GALNT2: variants seen among roughly 807,000 people sequenced by gnomAD.
GALNT2 encodes UDP-GalNAc:polypeptide N-acetylgalactosaminyltransferase 2.
Under a neutral mutation model 81.4 loss-of-function variants are expected in GALNT2, and 31 were observed. That is an observed-to-expected ratio of 0.38 (90% CI 0.29 to 0.51). The LOEUF (loss-of-function observed/expected upper bound fraction) is 0.51. Among genes scored for constraint, GALNT2 ranks in the 20% least tolerant of loss-of-function variants. The pLI is 0.87. For synonymous variants in GALNT2, 303 were observed against 287.4 expected (o/e 1.05, Z -0.55); for missense variants, 629 against 765.7 (o/e 0.82, Z 2.11).
At chr1:230,194,120 T>C (rs1225212657) in intron 2 of GALNT2, among the ~76,000 whole-genome samples, 1 of 152,252 alleles carries the variant, frequency 6.6e-6, no homozygotes, top group Non-Finnish European at 1.5e-5. Flanking sequence ...GAAGAAATTC[T>C]GTACCCAAGG....
At chr1:230,187,930 ATGGGT>A (rs1180950903) in intron 2 of GALNT2, among the ~76,000 whole-genome samples, 20 of 127,354 alleles carry the variant, frequency 1.6e-4, no homozygotes, top group African/African-American at 4.4e-4. Flanking sequence ...TGGGGTTTTT[ATGGGT>A]ACAAGATGGA....
Position 230,267,943 on chromosome 1 carries a change from C to T in GALNT2, c.1440+2576C>T, listed in dbSNP as rs539571567. ...CGCCGTGCGGTGCTGCTGTGGGTCC[C>T]GCTGTGGTCCAGGTGTGACTGGAGG... On this transcript the variant is annotated intron_variant, in intron 14 of 15. Transcript: ENST00000366672. 3.9e-5 allele frequency among the ~76,000 whole-genome samples: 6 copies of T among 152,316 alleles called. 1 individual carries two copies. Among genetic ancestry groups the T allele is most frequent in the South Asian group, 4.1e-4 (2 of 4,826 alleles).
chr1:230,209,644 C>A (rs189659155), intron 3 of GALNT2, among the ~76,000 whole-genome samples: 1 of 152,148 alleles, frequency 6.6e-6, no homozygotes, highest in African/African-American at 2.4e-5. Context: ...GAGTTTGAGA[C>A]CAGCCTGGGC....
chr1:230,273,941 G>A (rs1387077992), intron 14 of GALNT2, among the ~76,000 whole-genome samples: 3 of 152,150 alleles, frequency 2.0e-5, no homozygotes, highest in African/African-American at 4.8e-5. Context: ...GGCTATACAC[G>A]ATATATTTTG....
At chr1:230,213,157 C>A (rs79075855) in intron 3 of GALNT2, among the ~76,000 whole-genome samples, 6,729 of 152,318 alleles carry the variant, frequency 0.044, 194 homozygotes, top group Non-Finnish European at 0.064. Flanking sequence ...TTAGTCTTTT[C>A]TTTCTGCCAT....
intron 1 of GALNT2, among the ~76,000 whole-genome samples, chr1:230,128,702 TGTTG>T: frequency 6.6e-6 from 1 of 152,168 alleles, no homozygotes; most frequent in East Asian, 1.9e-4. Flanking sequence ...AGAGCCTGAG[TGTTG>T]GCTGGGAGGC....
chr1:230,224,508 T>C lies in GALNT2; in HGVS notation c.375-11506T>C, dbSNP rs143947738. ...TGAAAAGTTTTCAGCTAAAATGTAG[T>C]GTCTGTAAAACTGGAGGCACTAAAG... is the stretch of plus-strand genomic sequence containing the variant. On this transcript the variant is annotated intron_variant, in intron 3 of 15. Coordinates refer to ENST00000366672, the MANE Select transcript of GALNT2 (RefSeq NM_004481.5). Among the ~76,000 whole-genome samples the C allele has an allele frequency of 4.9e-3, 750 of 152,338 alleles. 8 individuals carry two copies. Among genetic ancestry groups the C allele is most frequent in the Non-Finnish European group, 8.2e-3 (556 of 68,018 alleles).
At chr1:230,117,468 T>C (rs1373583628) in intron 1 of GALNT2, among the ~76,000 whole-genome samples, 1 of 152,106 alleles carries the variant, frequency 6.6e-6, no homozygotes, top group Non-Finnish European at 1.5e-5. Flanking sequence ...TGATTTAAGG[T>C]GAGAGATGTG....
chr1:230,094,633 C>T (rs946684144), intron 1 of GALNT2, among the ~76,000 whole-genome samples: 4 of 152,090 alleles, frequency 2.6e-5, no homozygotes, highest in South Asian at 4.1e-4. Context: ...AATGAAACTC[C>T]GTCTCAAACA....
At chr1:230,206,137 T>C (rs1418638552) in intron 3 of GALNT2, among the ~76,000 whole-genome samples, 1 of 152,168 alleles carries the variant, frequency 6.6e-6, no homozygotes. Context: ...CCACAAGATT[T>C]TATCTTTACA....
At chr1:230,173,793 G>A (rs569590571) in intron 1 of GALNT2, among the ~76,000 whole-genome samples, 1 of 152,314 alleles carries the variant, frequency 6.6e-6, no homozygotes, top group African/African-American at 2.4e-5. Context: ...TGATGCTAGT[G>A]TAAATAAGTC....
At chr1:230,252,722 C>A (rs1000295026) in intron 10 of GALNT2, among the ~76,000 whole-genome samples, 14 of 152,134 alleles carry the variant, frequency 9.2e-5, no homozygotes, top group African/African-American at 2.7e-4. Context: ...CTGGAAGGAT[C>A]CCTTGTTGGC....
chr1:230,265,362 A>T lies in GALNT2; in HGVS notation c.1435A>T (p.Asn479Tyr). 2.5e-6 allele frequency: 4 copies of T among 1,614,178 alleles called. No homozygotes were observed. Among genetic ancestry groups the T allele is most frequent in the Non-Finnish European group, 3.4e-6 (4 of 1,180,020 alleles). ...GVYECHNAGG[N>Y]QEWALTKEKS... is the part of the protein sequence containing the mutation. ...TTATGAATGTCACAATGCTGGGGGA[A>T]ACCAGGTATGTGCATGGGGAAGCCA... The change falls in exon 14 of 16, where the codon AAC becomes TAC. Residue 479 changes from asparagine (N) to tyrosine (Y), a missense_variant. Physicochemically the swap from Asn to Tyr is moderately radical, Grantham distance 143. This residue lies in a region of GALNT2 where 207 missense variants were observed against 225.5 expected (regional missense o/e 0.92). Transcript: ENST00000366672.
chr1:230,083,132 G>T (rs1571940482), intron 1 of GALNT2, among the ~76,000 whole-genome samples: 2 of 149,250 alleles, frequency 1.3e-5, no homozygotes, highest in Non-Finnish European at 3.0e-5. Flanking sequence ...GGAGCAGGGA[G>T]CCTAGATGAT....
In GALNT2 at chr1:230,215,568, A is replaced by C. The variant is rs138614954; in HGVS notation, c.374+12278A>C. Among the ~76,000 whole-genome samples, 18 of 152,380 alleles carry C rather than the reference A, an allele frequency of 1.2e-4. No individual in the cohort carries two copies. In the East Asian group the frequency reaches 3.3e-3, roughly 28 times the overall value. ...ACCTGAGTGTTTTATTTGGAATTCA[A>C]ATCCACTCTGAATTTGGCAGTTTAT... is the stretch of plus-strand genomic sequence containing the variant. On this transcript the variant is annotated intron_variant, in intron 3 of 15. Transcript: ENST00000366672.
intron 11 of GALNT2, among the ~76,000 whole-genome samples, chr1:230,256,391 G>T (rs1665716584): frequency 6.6e-6 from 1 of 151,572 alleles, no homozygotes; most frequent in Admixed American, 6.6e-5. Context: ...GTTTGCAGTG[G>T]GCCAAGATCG....
intron 1 of GALNT2, among the ~76,000 whole-genome samples, chr1:230,167,519 A>G (rs1416515260): frequency 2.0e-5 from 3 of 152,218 alleles, no homozygotes; most frequent in African/African-American, 7.2e-5. Flanking sequence ...TTAGGCCCTC[A>G]TGGGAAGGAT....
chr1:230,197,386 C>G (rs1663730967), intron 2 of GALNT2, among the ~76,000 whole-genome samples: 1 of 152,096 alleles, frequency 6.6e-6, no homozygotes, highest in African/African-American at 2.4e-5. Context: ...CCACAGGACC[C>G]CCATAAAGAA....
chr1:230,147,370 C>A (rs573008571), intron 1 of GALNT2, among the ~76,000 whole-genome samples: 16 of 152,186 alleles, frequency 1.1e-4, no homozygotes, highest in Admixed American at 9.8e-4. Flanking sequence ...AGCTGAAAGC[C>A]GCCTACTTTG....
Sources: gnomAD v4.1 joint callset for allele counts (sites outside exome capture counted in the v4.1 genomes callset) on GRCh38, gnomAD v4.1.1 for gene constraint, gnomAD v4.1.1 regional missense constraint, MANE v1.5 for transcripts, NCBI Gene and HGNC (gene_info 2026-07-23, HGNC 2026-07-21) for gene names.